Variants in GSG1L observed in about 807,000 individuals in gnomAD.
GSG1L encodes the protein GSG1 like.
A neutral mutation model predicts 42.1 loss-of-function variants in GSG1L; 24 were observed. The observed-to-expected ratio is 0.57, with a 90% confidence interval of 0.41 to 0.80. The LOEUF (loss-of-function observed/expected upper bound fraction) is 0.80. GSG1L is among the 30% of genes least tolerant of loss of function. GSG1L has a pLI of 0.00. For synonymous variants in GSG1L, 215 were observed against 203.5 expected (o/e 1.06, Z -0.48); for missense variants, 445 against 472.2 (o/e 0.94, Z 0.53).
chr16:27,810,683 T>C (rs1323191575), intron 5 of GSG1L, among the ~76,000 whole-genome samples: 1 of 152,102 alleles, frequency 6.6e-6, no homozygotes, highest in Non-Finnish European at 1.5e-5. Flanking sequence ...ATGTCTTTTT[T>C]TTTAAGTTTT....
intron 1 of GSG1L, among the ~76,000 whole-genome samples, chr16:28,018,278 G>C (rs1417890490): frequency 6.6e-6 from 1 of 152,206 alleles, no homozygotes; most frequent in Non-Finnish European, 1.5e-5. Context: ...AAGACTGGAA[G>C]TAGGTAGCTA....
At chr16:27,991,489 G>T (rs562850632) in intron 1 of GSG1L, among the ~76,000 whole-genome samples, 2 of 151,280 alleles carry the variant, frequency 1.3e-5, no homozygotes, top group Non-Finnish European at 2.9e-5. Flanking sequence ...CACTGCAACC[G>T]CTGCCCCCCA....
At chr16:27,915,929 A>AC (rs58254313) in intron 2 of GSG1L, among the ~76,000 whole-genome samples, 2,473 of 152,266 alleles carry the variant, frequency 0.016, 64 homozygotes, top group African/African-American at 0.056. Flanking sequence ...AAATCATTTA[A>AC]CTTTTTTTGC....
intron 3 of GSG1L, among the ~76,000 whole-genome samples, chr16:27,883,137 AAAG>A (rs1289524118): frequency 5.2e-4 from 13 of 25,206 alleles, no homozygotes; most frequent in Middle Eastern, 0.056. Flanking sequence ...AAAAAAAAAA[AAAG>A]AGAGAGAGAG....
At chr16:27,935,771 T>C (rs1260913154) in intron 2 of GSG1L, among the ~76,000 whole-genome samples, 1 of 150,928 alleles carries the variant, frequency 6.6e-6, no homozygotes, top group East Asian at 2.0e-4. Context: ...TGGTCCTCAG[T>C]GTGCCAGCAA....
chr16:28,036,794 C>G (rs369510086), intron 1 of GSG1L, among the ~76,000 whole-genome samples: 5 of 152,156 alleles, frequency 3.3e-5, no homozygotes, highest in Non-Finnish European at 5.9e-5. Context: ...GAAATCAGGA[C>G]GCTTTTCCCT....
At chr16:27,888,198 C>A (rs1335992637) in intron 2 of GSG1L, 1 of 902,672 alleles carries the variant, frequency 1.1e-6, no homozygotes, top group Admixed American at 6.2e-5. Context: ...TGCGTTCAAC[C>A]CTGCCCACGT....
chr16:28,027,335 A>G (rs1467998778), intron 1 of GSG1L, among the ~76,000 whole-genome samples: 1 of 152,158 alleles, frequency 6.6e-6, no homozygotes, highest in Non-Finnish European at 1.5e-5. Context: ...AATCAGGCCA[A>G]TGAGAGCCTT....
At chr16:28,024,892 C>A (rs961926742) in intron 1 of GSG1L, among the ~76,000 whole-genome samples, 3 of 152,206 alleles carry the variant, frequency 2.0e-5, no homozygotes, top group Non-Finnish European at 4.4e-5. Flanking sequence ...GAGGGGAAGG[C>A]TTTCTTACAT....
chr16:27,956,638 C>G (rs1405061851), intron 2 of GSG1L, among the ~76,000 whole-genome samples: 2 of 152,064 alleles, frequency 1.3e-5, no homozygotes, highest in East Asian at 3.8e-4. Context: ...CAGTTGGCTC[C>G]CCATCTTGCA....
At chr16:27,812,141 G>GA (rs2083038211) in intron 5 of GSG1L, among the ~76,000 whole-genome samples, 1 of 152,166 alleles carries the variant, frequency 6.6e-6, no homozygotes. Flanking sequence ...GTTGCCCAGA[G>GA]ACCTCCACTC....
At chr16:28,049,721 A>G (rs2086202741) in intron 1 of GSG1L, among the ~76,000 whole-genome samples, 2 of 151,876 alleles carry the variant, frequency 1.3e-5, no homozygotes, top group Non-Finnish European at 2.9e-5. Context: ...GTGGAAGACT[A>G]AAGTGATCAA....
chr16:27,833,249 A>T (rs2083290393), intron 4 of GSG1L, among the ~76,000 whole-genome samples: 1 of 152,142 alleles, frequency 6.6e-6, no homozygotes, highest in Non-Finnish European at 1.5e-5. Context: ...CCACTACCAC[A>T]CACCCACACA....
At chr16:27,850,473 G>T (rs1457680058) in intron 3 of GSG1L, 2 of 454,554 alleles carry the variant, frequency 4.4e-6, no homozygotes, top group Non-Finnish European at 4.4e-6. Context: ...GCCTAGAAGA[G>T]GTCACCTGGA....
At chr16:27,801,605 A>G (rs1487131702) in intron 6 of GSG1L, among the ~76,000 whole-genome samples, 1 of 152,172 alleles carries the variant, frequency 6.6e-6, no homozygotes, top group African/African-American at 2.4e-5. Flanking sequence ...AGACGGCATC[A>G]TTTCCATACT....
chr16:27,963,100 G>T (rs980044651), intron 2 of GSG1L, 56 bp downstream of exon 2: 3 of 1,494,702 alleles, frequency 2.0e-6, no homozygotes, highest in Non-Finnish European at 2.8e-6. Flanking sequence ...ACCAAGGTAG[G>T]AAAGATGTCC....
Position 27,888,458 on chromosome 16 carries a change from T to TCTC in GSG1L, c.398-3821_398-3820insGAG, listed in dbSNP as rs1567505722. 8.5e-3 allele frequency among the ~76,000 whole-genome samples: 389 copies of TCTC among 45,562 alleles called. 25 individuals carry two copies. The highest frequency in any genetic ancestry group is 0.018 in the African/African-American group (262 of 14,914). The allele number at this position is 45,562 out of a possible 152,430, so 29.9% of individuals were successfully genotyped here. ...TTTCTTTCTTTCTTTCTTTCTTTCT[T>TCTC]TCTTTCTCTCTCTCTCTCTCTTTCC... On this transcript the variant is annotated intron_variant, in intron 2 of 6. Transcript: ENST00000447459.
intron 5 of GSG1L, among the ~76,000 whole-genome samples, chr16:27,814,287 T>C (rs768724025): frequency 7.2e-5 from 11 of 152,228 alleles, no homozygotes; most frequent in South Asian, 2.1e-4. Flanking sequence ...AATTCTTTCA[T>C]TTTTTGTAAA....
chr16:27,897,291 ACCT>A (rs548341249), intron 2 of GSG1L, among the ~76,000 whole-genome samples: 160 of 151,104 alleles, frequency 1.1e-3, no homozygotes, highest in African/African-American at 3.7e-3. Flanking sequence ...AAACTAATAC[ACCT>A]CCTTTTTTTC....
Sources: allele counts gnomAD v4.1 joint callset (sites outside exome capture counted in the v4.1 genomes callset), GRCh38; gene constraint gnomAD v4.1.1; transcripts MANE v1.5; gene names NCBI Gene and HGNC (gene_info 2026-07-23, HGNC 2026-07-21).